UNC5D: variants seen among roughly 807,000 people sequenced by gnomAD.
UNC5D encodes netrin receptor UNC5D.
In UNC5D, 39 loss-of-function variants were observed where a neutral mutation model predicts 105.4. The observed-to-expected ratio is 0.37, with a 90% CI of 0.29 to 0.48. The LOEUF (loss-of-function observed/expected upper bound fraction) is 0.48, where lower values mean the gene tolerates loss of function less well. Among genes scored for constraint, UNC5D ranks in the 20% least tolerant of loss-of-function variants. UNC5D has a pLI of 0.98. For synonymous variants in UNC5D, 452 were observed against 450.4 expected (o/e 1.00, Z -0.04); for missense variants, 991 against 1,202.4 (o/e 0.82, Z 2.60).
intron 1 of UNC5D, among the ~76,000 whole-genome samples, chr8:35,405,969 A>G (rs1406865300): frequency 6.6e-6 from 1 of 152,192 alleles, no homozygotes; most frequent in Non-Finnish European, 1.5e-5. Flanking sequence ...ACTAAAGGGA[A>G]GGAAAATGCA....
At chr8:35,431,242 T>C (rs1317803070) in intron 1 of UNC5D, among the ~76,000 whole-genome samples, 1 of 152,194 alleles carries the variant, frequency 6.6e-6, no homozygotes, top group Non-Finnish European at 1.5e-5. Context: ...TCATAATGGT[T>C]AGTGAAGTTC....
chr8:35,641,392 A>C (rs1329493371), intron 4 of UNC5D, among the ~76,000 whole-genome samples: 1 of 151,270 alleles, frequency 6.6e-6, no homozygotes, highest in Non-Finnish European at 1.5e-5. Flanking sequence ...AAAAGAAAAA[A>C]AAAAACAGCA....
At chr8:35,630,301 T>G (rs2131074133) in intron 4 of UNC5D, among the ~76,000 whole-genome samples, 1 of 152,348 alleles carries the variant, frequency 6.6e-6, no homozygotes, top group Middle Eastern at 3.4e-3. Context: ...TTCCCTGTTT[T>G]CAATTGCTTT....
At chr8:35,517,871 A>G (rs1370311206) in intron 1 of UNC5D, among the ~76,000 whole-genome samples, 1 of 152,158 alleles carries the variant, frequency 6.6e-6, no homozygotes, top group Non-Finnish European at 1.5e-5. Flanking sequence ...CCACTTCCTC[A>G]TAGACAGCTG....
intron 1 of UNC5D, among the ~76,000 whole-genome samples, chr8:35,327,380 C>T (rs1265693730): frequency 6.6e-6 from 1 of 152,118 alleles, no homozygotes; most frequent in African/African-American, 2.4e-5. Context: ...GTTTGTTGAC[C>T]CATCTCATGC....
chr8:35,288,420 G>C (rs1806781185), intron 1 of UNC5D, among the ~76,000 whole-genome samples: 1 of 151,856 alleles, frequency 6.6e-6, no homozygotes, highest in Non-Finnish European at 1.5e-5. Flanking sequence ...ACAAACAAAA[G>C]CTAAGGGAGT....
chr8:35,567,919 C>G (rs1054962430), intron 2 of UNC5D, among the ~76,000 whole-genome samples, 179 bp from the exon 3 acceptor site: 2 of 152,204 alleles, frequency 1.3e-5, no homozygotes, highest in African/African-American at 2.4e-5. Context: ...TGCTTTCCAG[C>G]CTACTCAGCT....
At chr8:35,780,652 G>A (rs1802462657) in intron 16 of UNC5D, among the ~76,000 whole-genome samples, 1 of 152,220 alleles carries the variant, frequency 6.6e-6, no homozygotes, top group Non-Finnish European at 1.5e-5. Context: ...AGACCACTAA[G>A]TGTGGTTACT....
chr8:35,466,539 G>A (rs1421576469), intron 1 of UNC5D, among the ~76,000 whole-genome samples: 2 of 152,028 alleles, frequency 1.3e-5, no homozygotes, highest in East Asian at 3.9e-4. Context: ...ATGGTACTGA[G>A]CTTTAGAGTC....
At chr8:35,518,204 T>G (rs182803388) in intron 1 of UNC5D, among the ~76,000 whole-genome samples, 176 of 152,338 alleles carry the variant, frequency 1.2e-3, no homozygotes, top group African/African-American at 4.0e-3. Flanking sequence ...CTAATGTATT[T>G]TTAACAAGAG....
intron 1 of UNC5D, among the ~76,000 whole-genome samples, chr8:35,439,357 C>T (rs1294522420): frequency 2.0e-5 from 3 of 152,004 alleles, no homozygotes; most frequent in African/African-American, 7.2e-5. Flanking sequence ...CTCTGAGATC[C>T]ATGTTTTCCC....
chr8:35,442,910 A>T lies in UNC5D; in HGVS notation c.104-106382A>T, dbSNP rs1459442851. On this transcript the variant is annotated intron_variant, in intron 1 of 16. Coordinates refer to ENST00000404895, the MANE Select transcript of UNC5D (RefSeq NM_080872.4). ...TTCTCTCTCTCTCTCTCTCTCACAC[A>T]CACACACACACACACACACACACAC... is the stretch of plus-strand genomic sequence containing the variant. Among the ~76,000 whole-genome samples, 1,018 of 131,986 alleles carry T rather than the reference A, an allele frequency of 7.7e-3. 11 individuals are homozygous for T. Among genetic ancestry groups the T allele is most frequent in the African/African-American group, 0.021 (765 of 36,356 alleles). The allele number at this position is 131,986 out of a possible 152,430, so 86.6% of individuals were successfully genotyped here.
rs539029147 is a variant in UNC5D, at chr8:35,367,116, GA to G, written c.103+131231del. 2.1e-3 allele frequency among the ~76,000 whole-genome samples: 324 copies of G among 152,234 alleles called. 2 individuals carry two copies. The highest frequency in any genetic ancestry group is 7.7e-3 in the African/African-American group (319 of 41,538). ...CCTCTCATATGCTGCTGTTCATTGT[GA>G]ATCTCTCAGGGGATATAGTAAAGAG... On this transcript the variant is annotated intron_variant, in intron 1 of 16. Coordinates refer to ENST00000404895, the MANE Select transcript of UNC5D (RefSeq NM_080872.4).
At chr8:35,654,602 C>T (rs1013472558) in intron 4 of UNC5D, among the ~76,000 whole-genome samples, 2 of 152,186 alleles carry the variant, frequency 1.3e-5, no homozygotes, top group Admixed American at 6.5e-5. Flanking sequence ...ACCAGCCTGG[C>T]GATGCTTTTC....
Position 35,700,407 on chromosome 8 carries a change from A to C in UNC5D, c.1085-5522A>C, listed in dbSNP as rs1247744912. The stretch of plus-strand genomic sequence containing the variant: ...TGTTAGGGACCCATAACTGACAGTG[A>C]TTTTTAAAGTATAAAATATATCAAA... On this transcript the variant is annotated intron_variant, in intron 7 of 16. Transcript: ENST00000404895. 2.6e-5 allele frequency among the ~76,000 whole-genome samples: 4 copies of C among 152,272 alleles called. No individual in the cohort carries two copies. The East Asian group carries it at 7.7e-4, about 29-fold the overall frequency.
chr8:35,621,697 A>G (rs928228304), intron 4 of UNC5D, among the ~76,000 whole-genome samples: 2 of 152,198 alleles, frequency 1.3e-5, no homozygotes, highest in African/African-American at 4.8e-5. Flanking sequence ...AATTCACACC[A>G]TAGATGAATA....
At chr8:35,247,401 G>C (rs1803182922) in intron 1 of UNC5D, among the ~76,000 whole-genome samples, 1 of 147,476 alleles carries the variant, frequency 6.8e-6, no homozygotes. Flanking sequence ...TTGGGTGAAA[G>C]TTAGGGTGCC....
At chr8:35,626,248 A>G (rs970535661) in intron 4 of UNC5D, among the ~76,000 whole-genome samples, 1 of 151,892 alleles carries the variant, frequency 6.6e-6, no homozygotes, top group Non-Finnish European at 1.5e-5. Flanking sequence ...GGAAGTCTCA[A>G]TATATAAACT....
intron 4 of UNC5D, among the ~76,000 whole-genome samples, chr8:35,677,388 G>C (rs576114857): frequency 6.6e-6 from 1 of 152,034 alleles, no homozygotes; most frequent in Non-Finnish European, 1.5e-5. Context: ...TGGGGGTCTC[G>C]TACCCAGCAC....
Sources: gnomAD v4.1 joint callset for allele counts (sites outside exome capture counted in the v4.1 genomes callset) on GRCh38, gnomAD v4.1.1 for gene constraint, MANE v1.5 for transcripts, NCBI Gene and HGNC (gene_info 2026-07-23, HGNC 2026-07-21) for gene names.